SLC36A4: variants seen among roughly 807,000 people sequenced by gnomAD.
The protein encoded by SLC36A4 is neutral amino acid uniporter 4.
Under a neutral mutation model 50.5 loss-of-function variants are expected in SLC36A4, and 49 were observed. The ratio of observed to expected loss-of-function variants is 0.97; its 90% CI spans 0.77 to 1.23. The LOEUF (loss-of-function observed/expected upper bound fraction) is 1.23, where lower values mean the gene tolerates loss of function less well. Ranked by LOEUF, SLC36A4 falls within the 50% of genes most tolerant of loss-of-function variation. SLC36A4 has a pLI of 0.00. For synonymous variants in SLC36A4, 207 were observed against 206.5 expected, an observed-to-expected ratio of 1.00 and a Z score of -0.02; for missense variants, 611 against 608.4, an observed-to-expected ratio of 1.00 and a Z score of -0.05.
intron 1 of SLC36A4, among the ~76,000 whole-genome samples, chr11:93,196,471 AT>A (rs1261144204): frequency 6.6e-6 from 1 of 151,844 alleles, no homozygotes; most frequent in Non-Finnish European, 1.5e-5. Flanking sequence ...GGTTCACGCC[AT>A]TCTCCTGCCT....
At chr11:93,192,823 T>C (rs1470800573) in intron 1 of SLC36A4, among the ~76,000 whole-genome samples, 2 of 152,168 alleles carry the variant, frequency 1.3e-5, no homozygotes, top group Admixed American at 6.5e-5. Flanking sequence ...AGTGATATCA[T>C]CTGATTTACA....
chr11:93,175,238 G>C (rs1213070557), intron 6 of SLC36A4, among the ~76,000 whole-genome samples: 6 of 151,830 alleles, frequency 4.0e-5, no homozygotes, highest in Non-Finnish European at 7.4e-5. Context: ...TTTGCGTAGA[G>C]GTGTTTGTAG....
At chr11:93,157,219 C>T (rs1273351528) in intron 9 of SLC36A4, among the ~76,000 whole-genome samples, 1 of 152,058 alleles carries the variant, frequency 6.6e-6, no homozygotes, top group Non-Finnish European at 1.5e-5. Flanking sequence ...GTTTTTGTTC[C>T]AGTACAATGC....
Position 93,154,183 on chromosome 11 carries a change from TC to T in SLC36A4, c.1131del (p.Ile378SerfsTer17). ...CATTTAGTATGAAATTTGGATGTGATCCCAGGGATAATGATCTCTGCTGGAA... is the reference window on the plus strand; with the variant it reads ...CATTTAGTATGAAATTTGGATGTGATCCAGGGATAATGATCTCTGCTGGAA... ...FYVPAEIIIP[G>X]ITSKFHTKWK... is the part of the protein sequence containing the mutation. On this transcript the variant is annotated frameshift_variant, in exon 10 of 11. Coordinates refer to ENST00000326402, the MANE Select transcript of SLC36A4 (RefSeq NM_152313.4). LOFTEE classifies it high-confidence loss of function. The T allele has an allele frequency of 6.4e-7, 1 of 1,568,288 alleles. No homozygotes were observed. The highest frequency in any genetic ancestry group is 8.6e-7 in the Non-Finnish European group (1 of 1,160,708).
chr11:93,151,053 T>C (rs1860065305), intron 10 of SLC36A4, among the ~76,000 whole-genome samples: 1 of 152,036 alleles, frequency 6.6e-6, no homozygotes, highest in Non-Finnish European at 1.5e-5. Flanking sequence ...ATAATTCTCA[T>C]CTAAAATCTG....
chr11:93,191,657 A>T (rs1250094840), intron 1 of SLC36A4, among the ~76,000 whole-genome samples: 1 of 152,164 alleles, frequency 6.6e-6, no homozygotes, highest in Non-Finnish European at 1.5e-5. Context: ...CATATATATG[A>T]AAGTGGTTAC....
At position 93,181,578 on chromosome 11, in the gene SLC36A4, T is replaced by C. The variant is rs187201643; in HGVS notation, c.455+113A>G. 72 of 779,742 alleles carry C rather than the reference T, an allele frequency of 9.2e-5. No individual in the cohort carries two copies. In the East Asian group the frequency reaches 2.1e-3, roughly 22 times the overall value. The allele number at this position is 779,742 out of a possible 1,614,324, so 48.3% of individuals were successfully genotyped here. On this transcript the variant is annotated intron_variant, in intron 5 of 10. Coordinates refer to ENST00000326402, the MANE Select transcript of SLC36A4 (RefSeq NM_152313.4). ...AGTCTGTTTAACTCTAAGGGTTACA[T>C]ATGTTTATTCCCCAACTTTATCATA...
In SLC36A4 at chr11:93,165,903, A is replaced by G; in HGVS notation, c.867+15T>C. ...TTAAGATTTTAAAAAATAATAATAA[A>G]GACTAAATTCTTACCACTCCTATGC... On this transcript the variant is annotated intron_variant, in intron 8 of 10. Coordinates refer to ENST00000326402, the MANE Select transcript of SLC36A4 (RefSeq NM_152313.4). The G allele has an allele frequency of 6.7e-7, 1 of 1,483,204 alleles. No homozygotes were observed. Among genetic ancestry groups the G allele is most frequent in the Non-Finnish European group, 9.2e-7 (1 of 1,082,398 alleles). 91.9% of individuals were successfully genotyped at this position (1,483,204 alleles called of 1,614,324 possible).
intron 1 of SLC36A4, chr11:93,197,518 C>CAACACACACACT: frequency 1.9e-6 from 1 of 531,866 alleles, no homozygotes; most frequent in Non-Finnish European, 3.3e-6. Flanking sequence ...CCGCCCCACT[C>CAACACACACACT]AACACACACA....
chr11:93,193,342 A>G (rs1418438664), intron 1 of SLC36A4, among the ~76,000 whole-genome samples: 1 of 152,198 alleles, frequency 6.6e-6, no homozygotes, highest in African/African-American at 2.4e-5. Flanking sequence ...TAAAGATTAT[A>G]GAACCCAATT....
chr11:93,186,568 A>G (rs1861991092), intron 1 of SLC36A4, among the ~76,000 whole-genome samples: 2 of 151,940 alleles, frequency 1.3e-5, no homozygotes, highest in Admixed American at 1.3e-4. Flanking sequence ...GTACTCTCTG[A>G]CTTCTACCTA....
At chr11:93,171,034 A>T (rs1238215891) in intron 6 of SLC36A4, 1 of 152,082 alleles carries the variant, frequency 6.6e-6, no homozygotes, top group African/African-American at 2.4e-5. Flanking sequence ...AATGCTATCA[A>T]ATGTAAAAGA....
At chr11:93,158,031 G>A (rs949616108) in intron 9 of SLC36A4, among the ~76,000 whole-genome samples, 22 of 152,132 alleles carry the variant, frequency 1.4e-4, no homozygotes, top group African/African-American at 5.3e-4. Flanking sequence ...AGAAATTTAA[G>A]AGCTGAATAA....
At chr11:93,172,704 T>C (rs1193660513) in intron 6 of SLC36A4, among the ~76,000 whole-genome samples, 1 of 140,548 alleles carries the variant, frequency 7.1e-6, no homozygotes, top group Non-Finnish European at 1.5e-5. Context: ...TGTTTGGTTT[T>C]TTGTTCTTGC....
intron 6 of SLC36A4, among the ~76,000 whole-genome samples, chr11:93,178,349 G>A (rs1861585105): frequency 1.3e-5 from 2 of 152,092 alleles, no homozygotes; most frequent in South Asian, 4.1e-4. Context: ...TGCTTCCCTG[G>A]TGAGATGATG....
At chr11:93,164,022 C>T (rs1398822822) in intron 8 of SLC36A4, among the ~76,000 whole-genome samples, 1 of 152,040 alleles carries the variant, frequency 6.6e-6, no homozygotes, top group African/African-American at 2.4e-5. Context: ...CATTTCCTTG[C>T]TTCAGCCCTA....
chr11:93,196,179 A>G (rs923085967), intron 1 of SLC36A4, among the ~76,000 whole-genome samples: 2 of 152,244 alleles, frequency 1.3e-5, no homozygotes, highest in African/African-American at 2.4e-5. Flanking sequence ...CATGCTGAAC[A>G]TCTTTCCACA....
rs115039069 is a variant in SLC36A4 at position 93,169,561 on chromosome 11, C to T, written c.541-1390G>A. Among the ~76,000 whole-genome samples, 1,031 of 152,202 alleles carry T rather than the reference C, an allele frequency of 6.8e-3. 10 individuals are homozygous for T. The highest frequency in any genetic ancestry group is 0.023 in the African/African-American group (976 of 41,538). On this transcript the variant is annotated intron_variant, in intron 6 of 10. Coordinates refer to ENST00000326402, the MANE Select transcript of SLC36A4 (RefSeq NM_152313.4). Reference sequence around the variant, plus strand: ...TCTTACATGTATAATCTACCATACACAATGTTTAGTGTCAGTATAAATGTA... The same window carrying T: ...TCTTACATGTATAATCTACCATACATAATGTTTAGTGTCAGTATAAATGTA...
At chr11:93,160,009 GC>G (rs1265679711) in intron 9 of SLC36A4, 3 of 985,336 alleles carry the variant, frequency 3.0e-6, no homozygotes, top group Non-Finnish European at 3.6e-6. Flanking sequence ...AACTTTCGAG[GC>G]CTCTTGTGTG....
Sources: allele counts gnomAD v4.1 joint callset (sites outside exome capture counted in the v4.1 genomes callset), GRCh38; gene constraint gnomAD v4.1.1; transcripts MANE v1.5; gene names NCBI Gene and HGNC (gene_info 2026-07-23, HGNC 2026-07-21).